SUCLG2: variants seen among roughly 807,000 people sequenced by gnomAD.
SUCLG2 encodes the protein succinate--CoA ligase [GDP-forming] subunit beta, mitochondrial.
SUCLG2 carries 42 observed loss-of-function variants against 47.9 expected under a neutral mutation model. That is an observed-to-expected ratio of 0.88 (90% CI 0.69 to 1.14). SUCLG2 has a LOEUF of 1.14. Ranked by LOEUF, SUCLG2 falls within the 50% of genes most tolerant of loss-of-function variation. The pLI is 0.00. For missense variants in SUCLG2, 571 were observed against 525.9 expected, an observed-to-expected ratio of 1.09 and a Z score of -0.84; for synonymous variants, 195 against 197.3, an observed-to-expected ratio of 0.99 and a Z score of 0.10.
At chr3:67,400,232 AAT>A (rs1702652627) in intron 10 of SUCLG2, among the ~76,000 whole-genome samples, 2 of 151,782 alleles carry the variant, frequency 1.3e-5, no homozygotes, top group Non-Finnish European at 2.9e-5. Flanking sequence ...ATTGCTATAA[AAT>A]ATATAATACA....
At chr3:67,597,678 G>A (rs541259726) in intron 2 of SUCLG2, among the ~76,000 whole-genome samples, 8 of 152,190 alleles carry the variant, frequency 5.3e-5, no homozygotes, top group South Asian at 4.2e-4. Flanking sequence ...AGTGGCTCAC[G>A]TCTGTGGTCC....
At position 67,512,766 on chromosome 3, in the gene SUCLG2, G is replaced by A. The variant is rs146217282; in HGVS notation, c.661-3863C>T. Among the ~76,000 whole-genome samples, 13 of 150,344 alleles carry A rather than the reference G, an allele frequency of 8.6e-5. 1 individual carries two copies. The highest frequency in any genetic ancestry group is 6.8e-3 in the Middle Eastern group (2 of 294). ...TTCATCTTCCCTCACACTCTGTATC[G>A]CTAAACAAACTCCCGTTCTTCTCTT... is the stretch of plus-strand genomic sequence containing the variant. On this transcript the variant is annotated intron_variant, in intron 6 of 10. Transcript: ENST00000307227.
rs569332948 is a variant in SUCLG2, at chr3:67,511,080, G to C, written c.661-2177C>G. On this transcript the variant is annotated intron_variant, in intron 6 of 10. Coordinates refer to ENST00000307227, the MANE Select transcript of SUCLG2 (RefSeq NM_003848.4). ...ATTTTTTATATTTTAGTAGAGACGG[G>C]TTTTCACCACGTTGGCCAGGATGGT... 2.6e-5 allele frequency among the ~76,000 whole-genome samples: 4 copies of C among 151,924 alleles called. No individual in the cohort carries two copies. In the South Asian group the frequency reaches 6.2e-4, roughly 24 times the overall value.
downstream of SUCLG2, among the ~76,000 whole-genome samples, chr3:67,373,488 G>A (rs1575653766): frequency 6.6e-6 from 1 of 151,900 alleles, no homozygotes; most frequent in Admixed American, 6.6e-5. Context: ...TTTTGGGTGG[G>A]GACACAGCCA....
chr3:67,482,499 CCTT>C (rs1559542609), intron 9 of SUCLG2, among the ~76,000 whole-genome samples: 3 of 152,072 alleles, frequency 2.0e-5, no homozygotes, highest in African/African-American at 7.2e-5. Flanking sequence ...CTTCATTCAC[CCTT>C]CTTATTTGAA....
intron 7 of SUCLG2, among the ~76,000 whole-genome samples, chr3:67,507,680 T>G (rs951958967): frequency 6.6e-6 from 1 of 152,184 alleles, no homozygotes; most frequent in Non-Finnish European, 1.5e-5. Flanking sequence ...CTACAGAATC[T>G]CTGAAATGTG....
chr3:67,530,129 C>T (rs1456094630), intron 2 of SUCLG2, among the ~76,000 whole-genome samples: 2 of 152,186 alleles, frequency 1.3e-5, no homozygotes, highest in African/African-American at 2.4e-5. Context: ...CCTATAAGGC[C>T]ATGAGAGTAT....
intron 9 of SUCLG2, among the ~76,000 whole-genome samples, chr3:67,435,962 C>T (rs1429033790): frequency 6.6e-6 from 1 of 152,078 alleles, no homozygotes; most frequent in East Asian, 1.9e-4. Flanking sequence ...CAAAAGCGGT[C>T]CTGAAATTGT....
At chr3:67,613,535 G>C (rs1700570095) in intron 1 of SUCLG2, among the ~76,000 whole-genome samples, 1 of 152,118 alleles carries the variant, frequency 6.6e-6, no homozygotes, top group South Asian at 2.1e-4. Flanking sequence ...TAGATATGGG[G>C]AATGGCAACA....
intron 2 of SUCLG2, among the ~76,000 whole-genome samples, chr3:67,592,738 AAC>A (rs999363978): frequency 0.022 from 1,057 of 47,760 alleles, 23 homozygotes; most frequent in Middle Eastern, 0.031. Flanking sequence ...AAAAAAAAAC[AAC>A]AAAAAAAAAC....
intron 9 of SUCLG2, chr3:67,408,663 A>G (rs903782165): frequency 2.7e-6 from 3 of 1,108,106 alleles, no homozygotes; most frequent in Non-Finnish European, 3.3e-6. Context: ...TTCTTCCTAA[A>G]TTCTTCACTT....
At chr3:67,395,883 A>G (rs1167537492) in intron 10 of SUCLG2, among the ~76,000 whole-genome samples, 5 of 152,188 alleles carry the variant, frequency 3.3e-5, no homozygotes, top group Non-Finnish European at 7.3e-5. Context: ...AAAACCGCTC[A>G]ACTACATGGA....
At chr3:67,478,919 C>T (rs1174809614) in intron 9 of SUCLG2, among the ~76,000 whole-genome samples, 1 of 152,166 alleles carries the variant, frequency 6.6e-6, no homozygotes, top group African/African-American at 2.4e-5. Context: ...TATGTTGTGC[C>T]TTAAGAACTG....
At chr3:67,529,983 C>A (rs79486076) in intron 2 of SUCLG2, among the ~76,000 whole-genome samples, 2 of 152,146 alleles carry the variant, frequency 1.3e-5, no homozygotes, top group Admixed American at 1.3e-4. Context: ...CAAAACAAAA[C>A]AAAACAACAA....
intron 2 of SUCLG2, among the ~76,000 whole-genome samples, chr3:67,603,864 C>T (rs115115455): frequency 0.017 from 2,527 of 152,254 alleles, 66 homozygotes; most frequent in African/African-American, 0.057. Context: ...CAGTCATTCA[C>T]ACAGTAGGTA....
intron 1 of SUCLG2, among the ~76,000 whole-genome samples, chr3:67,630,089 G>T (rs1326107754): frequency 6.6e-6 from 1 of 151,740 alleles, no homozygotes; most frequent in Non-Finnish European, 1.5e-5. Flanking sequence ...ACTTTTCAGA[G>T]AAATGTATTA....
chr3:67,647,169 C>T (rs1701206412), intron 1 of SUCLG2, among the ~76,000 whole-genome samples: 1 of 152,158 alleles, frequency 6.6e-6, no homozygotes, highest in Non-Finnish European at 1.5e-5. Context: ...GCTAGTCCCC[C>T]CACTCCAACC....
chr3:67,401,019 A>G (rs1278493196), intron 9 of SUCLG2, among the ~76,000 whole-genome samples, 168 bp from the exon 10 acceptor site: 1 of 152,232 alleles, frequency 6.6e-6, no homozygotes, highest in East Asian at 1.9e-4. Flanking sequence ...AAGAAAGCTC[A>G]TATTAGTAAT....
At chr3:67,511,596 G>A (rs1705791501) in intron 6 of SUCLG2, among the ~76,000 whole-genome samples, 1 of 152,126 alleles carries the variant, frequency 6.6e-6, no homozygotes, top group Non-Finnish European at 1.5e-5. Context: ...CCAGCCATGT[G>A]GAATTGTAAG....
Sources: gnomAD v4.1 joint callset for allele counts (sites outside exome capture counted in the v4.1 genomes callset) on GRCh38, gnomAD v4.1.1 for gene constraint, MANE v1.5 for transcripts, NCBI Gene and HGNC (gene_info 2026-07-23, HGNC 2026-07-21) for gene names.